The following MTAP variants were observed in gnomAD, a reference collection of about 807,000 sequenced individuals.
MTAP encodes the protein S-methyl-5'-thioadenosine phosphorylase.
MTAP carries 33 observed loss-of-function variants against 33.6 expected under a neutral mutation model. The ratio of observed to expected loss-of-function variants is 0.98; its 90% CI spans 0.74 to 1.31. The LOEUF is 1.31. Among genes scored for constraint, MTAP ranks in the 40% most tolerant of loss-of-function variants. The probability of loss-of-function intolerance (pLI) is 0.00; values close to 1 mark genes in which losing one functional copy is unlikely to be tolerated. For missense variants in MTAP, 367 were observed against 360.0 expected, an observed-to-expected ratio of 1.02 and a Z score of -0.16; for synonymous variants, 148 against 125.7, an observed-to-expected ratio of 1.18 and a Z score of -1.19.
At chr9:21,915,027 C>G (rs1432282164) in intron 1 of MTAP, among the ~76,000 whole-genome samples, 1 of 101,104 alleles carries the variant, frequency 9.9e-6, no homozygotes, top group African/African-American at 5.4e-5. Context: ...TTCCTTCCTT[C>G]CTTCCTTCCT....
At chr9:21,807,343 G>A (rs1824232183) in intron 1 of MTAP, among the ~76,000 whole-genome samples, 1 of 152,202 alleles carries the variant, frequency 6.6e-6, no homozygotes, top group African/African-American at 2.4e-5. Context: ...GCTGTCTTGA[G>A]TGTGGCCTGC....
At chr9:21,840,607 C>T (rs1029792964) in intron 5 of MTAP, among the ~76,000 whole-genome samples, 3 of 152,178 alleles carry the variant, frequency 2.0e-5, no homozygotes, top group Non-Finnish European at 4.4e-5. Flanking sequence ...CAGTCTCCAG[C>T]TTGAGTCCAG....
intron 4 of MTAP, among the ~76,000 whole-genome samples, chr9:21,836,635 T>C (rs1388860414): frequency 6.6e-6 from 1 of 152,226 alleles, no homozygotes; most frequent in Non-Finnish European, 1.5e-5. Flanking sequence ...AAAGCCTCTG[T>C]TTATACAGGC....
downstream of MTAP, among the ~76,000 whole-genome samples, chr9:21,940,780 G>T (rs1819125589): frequency 2.0e-5 from 3 of 152,154 alleles, no homozygotes; most frequent in South Asian, 6.2e-4. Flanking sequence ...GCACCTCATT[G>T]TGTTCACCAA....
intron 1 of MTAP, among the ~76,000 whole-genome samples, chr9:21,880,366 G>T (rs1230446672): frequency 1.3e-5 from 2 of 152,024 alleles, no homozygotes; most frequent in African/African-American, 4.8e-5. Context: ...CCAGTTTATG[G>T]TATTTAGTTA....
chr9:21,859,457 C>G (rs780280349), intron 7 of MTAP, 32 bp downstream of exon 7: 1 of 1,580,590 alleles, frequency 6.3e-7, no homozygotes, highest in East Asian at 2.3e-5. Context: ...TCAGGCATGT[C>G]TGTAGACTCT....
intron 1 of MTAP, among the ~76,000 whole-genome samples, chr9:21,891,842 A>G (rs1818206035): frequency 6.6e-6 from 1 of 152,192 alleles, no homozygotes; most frequent in Non-Finnish European, 1.5e-5. Flanking sequence ...TCCAGCGTCA[A>G]CACAAAAGAA....
rs148528376 is a variant in MTAP, at chr9:21,830,894, C to T, written c.348-7014C>T. Among the ~76,000 whole-genome samples, 312 of 152,296 alleles carry T rather than the reference C, an allele frequency of 2.0e-3. 2 individuals are homozygous for T. The highest frequency in any genetic ancestry group is 7.1e-3 in the African/African-American group (295 of 41,550). On this transcript the variant is annotated intron_variant, in intron 4 of 7. Coordinates refer to ENST00000644715, the MANE Select transcript of MTAP (RefSeq NM_002451.4). ...ACTCTTTCCTGCCTCCCACACCCAC[C>T]GGACTTGTAAAGCTCGACTTCGATG...
intron 4 of MTAP, among the ~76,000 whole-genome samples, chr9:21,823,346 G>C (rs1045537821): frequency 6.6e-6 from 1 of 152,144 alleles, no homozygotes; most frequent in African/African-American, 2.4e-5. Context: ...TGTCTGTAAA[G>C]GATTTTATTT....
intron 1 of MTAP, among the ~76,000 whole-genome samples, chr9:21,912,050 C>T (rs969745938): frequency 6.6e-6 from 1 of 151,998 alleles, no homozygotes; most frequent in Non-Finnish European, 1.5e-5. Context: ...ATAAATTCCT[C>T]GACACATACA....
At chr9:21,932,823 C>A (rs1321864448), downstream of MTAP, 5 of 152,174 alleles carry the variant, frequency 3.3e-5, no homozygotes, top group African/African-American at 1.2e-4. Context: ...AATGATAAAT[C>A]AGCTCTATCT....
downstream of MTAP, among the ~76,000 whole-genome samples, chr9:21,868,302 G>T (rs975050564): frequency 2.0e-5 from 3 of 152,192 alleles, no homozygotes; most frequent in Admixed American, 6.5e-5. Flanking sequence ...TGTGCTTGGG[G>T]CACTATATCC....
intron 4 of MTAP, among the ~76,000 whole-genome samples, chr9:21,824,298 G>A (rs1824727217): frequency 6.6e-6 from 1 of 152,200 alleles, no homozygotes; most frequent in Admixed American, 6.5e-5. Flanking sequence ...TGTCCTTTCT[G>A]TTTGTTAGTT....
rs4977735 is a variant in MTAP, at chr9:21,865,107, T to G, written c.*3093T>G. 1.5e-5 allele frequency: 15 copies of G among 984,430 alleles called. No individual in the cohort carries two copies. The highest frequency in any genetic ancestry group is 1.8e-5 in the Non-Finnish European group (15 of 829,186). The allele number at this position is 984,430 out of a possible 1,614,324, so 61.0% of individuals were successfully genotyped here. A position where few individuals can be genotyped will look rare whatever the true frequency, so the allele number is the denominator to read the frequency against. The stretch of plus-strand genomic sequence containing the variant: ...TGGCGGTGTCCCCACCCAAATCTCA[T>G]GTTGAATTGTAGTTCCCATAATCCC... On this transcript the variant is annotated 3_prime_UTR_variant, in exon 8 of 8. Coordinates refer to ENST00000644715, the MANE Select transcript of MTAP (RefSeq NM_002451.4).
At chr9:21,869,800 C>A (rs917417178), downstream of MTAP, among the ~76,000 whole-genome samples, 1 of 152,202 alleles carries the variant, frequency 6.6e-6, no homozygotes, top group Non-Finnish European at 1.5e-5. Flanking sequence ...ACTGTAATAA[C>A]CCCTAACAGG....
At chr9:21,852,218 A>C (rs1825530042) in intron 5 of MTAP, among the ~76,000 whole-genome samples, 1 of 152,158 alleles carries the variant, frequency 6.6e-6, no homozygotes, top group Non-Finnish European at 1.5e-5. Context: ...CATAAGAATG[A>C]TATAATAGGG....
chr9:21,879,128 A>G (rs1362580686), intron 1 of MTAP, among the ~76,000 whole-genome samples: 1 of 151,880 alleles, frequency 6.6e-6, no homozygotes, highest in African/African-American at 2.4e-5. Context: ...TTCTTCCTTG[A>G]TGTTCTAATA....
chr9:21,913,414 C>G (rs1818619250), intron 1 of MTAP, among the ~76,000 whole-genome samples: 1 of 152,164 alleles, frequency 6.6e-6, no homozygotes, highest in Non-Finnish European at 1.5e-5. Context: ...CAGCATGGTA[C>G]TGGTACCAAA....
chr9:21,846,148 A>G lies in MTAP; in HGVS notation c.450+8138A>G, dbSNP rs574940144. On this transcript the variant is annotated intron_variant, in intron 5 of 7. Transcript: ENST00000644715. ...AGACTTAAATCTAAGACCTGAAACC[A>G]TAAAAATTCTAGAAAATAACATCGG... 2.6e-5 allele frequency among the ~76,000 whole-genome samples: 4 copies of G among 152,356 alleles called. No homozygotes were observed. In the East Asian group the frequency reaches 7.7e-4, roughly 29 times the overall value.
Sources: allele counts gnomAD v4.1 joint callset (sites outside exome capture counted in the v4.1 genomes callset), GRCh38; gene constraint gnomAD v4.1.1; transcripts MANE v1.5; gene names NCBI Gene and HGNC (gene_info 2026-07-23, HGNC 2026-07-21).